ZNF804B: variants seen among roughly 807,000 people sequenced by gnomAD.
The protein encoded by ZNF804B is zinc finger protein 804B, also known as zinc finger 804B.
ZNF804B carries 80 observed loss-of-function variants against 101.4 expected under a neutral mutation model. That is an observed-to-expected ratio of 0.79 (90% CI 0.66 to 0.95). The LOEUF (loss-of-function observed/expected upper bound fraction) is 0.95. Among genes scored for constraint, ZNF804B ranks in the 40% least tolerant of loss-of-function variants. The pLI is 0.00. For missense variants in ZNF804B, 1,673 were observed against 1,561.9 expected (o/e 1.07, Z -1.20); for synonymous variants, 622 against 558.8 (o/e 1.11, Z -1.59).
At chr7:89,255,614 T>A (rs1201099103) in intron 2 of ZNF804B, among the ~76,000 whole-genome samples, 1 of 152,058 alleles carries the variant, frequency 6.6e-6, no homozygotes, top group Non-Finnish European at 1.5e-5. Context: ...CAAATAAATA[T>A]CATGTAGATT....
chr7:89,018,811 C>T (rs1788613248), intron 1 of ZNF804B, among the ~76,000 whole-genome samples: 1 of 151,934 alleles, frequency 6.6e-6, no homozygotes, highest in South Asian at 2.1e-4. Context: ...CTCTAATAAC[C>T]TCTTGCACTC....
chr7:89,173,433 T>A (rs1013156949), intron 1 of ZNF804B, among the ~76,000 whole-genome samples: 1 of 152,190 alleles, frequency 6.6e-6, no homozygotes, highest in Non-Finnish European at 1.5e-5. Flanking sequence ...AAGCTGATCC[T>A]ATGTGTACCC....
In ZNF804B at chr7:88,862,791, A is replaced by G. The variant is rs147229545; in HGVS notation, c.108+102707A>G. Among the ~76,000 whole-genome samples, 513 of 150,812 alleles carry G rather than the reference A, an allele frequency of 3.4e-3. 2 individuals carry two copies. Among genetic ancestry groups the G allele is most frequent in the African/African-American group, 0.011 (471 of 41,134 alleles). On this transcript the variant is annotated intron_variant, in intron 1 of 3. Transcript: ENST00000333190. The stretch of plus-strand genomic sequence containing the variant: ...TTGATTCATCGATGTTTACGCTGTC[A>G]TTTTTTTTTAGCTTTTCCTGCTTCA...
At chr7:89,098,534 A>G (rs568029764) in intron 1 of ZNF804B, among the ~76,000 whole-genome samples, 10 of 152,182 alleles carry the variant, frequency 6.6e-5, no homozygotes, top group African/African-American at 2.4e-4. Flanking sequence ...AGCCTCCCAA[A>G]GTGCTGGGAT....
At chr7:89,083,689 C>T (rs1266995679) in intron 1 of ZNF804B, among the ~76,000 whole-genome samples, 2 of 151,312 alleles carry the variant, frequency 1.3e-5, no homozygotes, top group Non-Finnish European at 3.0e-5. Context: ...AACTTAAGTA[C>T]AATAATAAAA....
chr7:89,258,251 C>T (rs1336232542), intron 2 of ZNF804B, among the ~76,000 whole-genome samples: 1 of 151,966 alleles, frequency 6.6e-6, no homozygotes, highest in Non-Finnish European at 1.5e-5. Flanking sequence ...AAGTAAGGAA[C>T]TTGAGCATCT....
At chr7:88,807,668 T>C (rs796878509) in intron 1 of ZNF804B, among the ~76,000 whole-genome samples, 17 of 152,264 alleles carry the variant, frequency 1.1e-4, no homozygotes, top group African/African-American at 4.1e-4. Context: ...ACTAGAGCAC[T>C]CCTATGTTGG....
intron 1 of ZNF804B, among the ~76,000 whole-genome samples, chr7:89,051,022 G>C (rs572072411): frequency 3.8e-4 from 58 of 151,672 alleles, no homozygotes; most frequent in African/African-American, 1.4e-3. Flanking sequence ...TATCACTCCT[G>C]GGCAATAGAT....
At chr7:89,167,126 A>C (rs945918726) in intron 1 of ZNF804B, among the ~76,000 whole-genome samples, 7 of 151,896 alleles carry the variant, frequency 4.6e-5, no homozygotes, top group Middle Eastern at 3.2e-3. Context: ...TTTGTCTGCT[A>C]GTTTTTTTGA....
At chr7:88,845,900 G>A (rs1377441090) in intron 1 of ZNF804B, among the ~76,000 whole-genome samples, 1 of 151,944 alleles carries the variant, frequency 6.6e-6, no homozygotes, top group African/African-American at 2.4e-5. Context: ...TTTGTTTAAT[G>A]GATAAAAAAT....
chr7:89,231,670 A>T (rs1159194603), intron 2 of ZNF804B, among the ~76,000 whole-genome samples: 1 of 152,004 alleles, frequency 6.6e-6, no homozygotes, highest in African/African-American at 2.4e-5. Flanking sequence ...TAAATATGAC[A>T]CATATTTTAG....
chr7:88,896,587 C>A (rs979632442), intron 1 of ZNF804B, among the ~76,000 whole-genome samples: 11 of 151,850 alleles, frequency 7.2e-5, no homozygotes, highest in Admixed American at 5.2e-4. Flanking sequence ...TGTTGATATG[C>A]CAATTATTTA....
At chr7:89,032,948 T>A (rs1788861531) in intron 1 of ZNF804B, among the ~76,000 whole-genome samples, 1 of 151,798 alleles carries the variant, frequency 6.6e-6, no homozygotes, top group Admixed American at 6.6e-5. Context: ...TGTTTTGTGA[T>A]AAAAACATTT....
chr7:89,322,126 A>G (rs940696032), intron 2 of ZNF804B, among the ~76,000 whole-genome samples: 1 of 152,222 alleles, frequency 6.6e-6, no homozygotes, highest in South Asian at 2.1e-4. Context: ...AGAATTTTAT[A>G]TCTTTTCACT....
At chr7:89,262,329 C>T (rs976294900) in intron 2 of ZNF804B, among the ~76,000 whole-genome samples, 4 of 152,166 alleles carry the variant, frequency 2.6e-5, no homozygotes, top group Non-Finnish European at 5.9e-5. Flanking sequence ...CTGGCCCATG[C>T]TCATTATTTT....
intron 1 of ZNF804B, among the ~76,000 whole-genome samples, chr7:89,005,819 A>G (rs1788363008): frequency 1.3e-5 from 2 of 152,096 alleles, no homozygotes; most frequent in Admixed American, 1.3e-4. Context: ...ACTCCTTAGA[A>G]ACTTATTCTT....
rs1339813529 is a variant in ZNF804B, at chr7:89,334,374, T to C, written c.1392T>C (p.Phe464=). 1.9e-6 allele frequency: 3 copies of C among 1,613,724 alleles called. No homozygotes were observed. Among genetic ancestry groups the C allele is most frequent in the African/African-American group, 1.3e-5 (1 of 74,904 alleles). ...TLQWPTELLL[F]TKTEPCISYG... is the part of the protein sequence containing the mutation. ...AATGGCCTACGGAACTTCTGCTCTT[T>C]ACAAAAACAGAACCCTGTATCTCTT... is the stretch of plus-strand genomic sequence containing the variant. Residue 464 remains phenylalanine, a synonymous_variant, in exon 4 of 4, where the codon TTT becomes TTC. Transcript: ENST00000333190.
chr7:89,205,864 C>T (rs1360554676), intron 1 of ZNF804B, among the ~76,000 whole-genome samples: 1 of 152,158 alleles, frequency 6.6e-6, no homozygotes, highest in East Asian at 1.9e-4. Flanking sequence ...GGCTCAAATC[C>T]CACATTTCCC....
intron 1 of ZNF804B, among the ~76,000 whole-genome samples, chr7:88,889,082 C>G (rs1200921156): frequency 6.6e-6 from 1 of 152,236 alleles, no homozygotes; most frequent in African/African-American, 2.4e-5. Context: ...GGGTAATAGT[C>G]TCCAGTTGAA....
Sources: allele counts gnomAD v4.1 joint callset (sites outside exome capture counted in the v4.1 genomes callset), GRCh38; gene constraint gnomAD v4.1.1; transcripts MANE v1.5; gene names NCBI Gene and HGNC (gene_info 2026-07-23, HGNC 2026-07-21).